The following ACMSD variants were observed in gnomAD, a reference collection of about 807,000 sequenced individuals.
The protein encoded by ACMSD is aminocarboxymuconate semialdehyde decarboxylase.
Under a neutral mutation model 45.9 loss-of-function variants are expected in ACMSD, and 37 were observed. That is an observed-to-expected ratio of 0.81 (90% CI 0.62 to 1.06). ACMSD has a LOEUF of 1.06. Among genes scored for constraint, ACMSD ranks in the 50% least tolerant of loss-of-function variants. The pLI, the probability that ACMSD is intolerant of heterozygous loss-of-function variation, is 0.00. For synonymous variants in ACMSD, 138 were observed against 148.8 expected (o/e 0.93, Z 0.53); for missense variants, 434 against 420.9 (o/e 1.03, Z -0.27).
chr2:134,848,932 A>G (rs1371673938), intron 2 of ACMSD, among the ~76,000 whole-genome samples: 3 of 152,158 alleles, frequency 2.0e-5, no homozygotes, highest in Admixed American at 1.3e-4. Context: ...TGTGTCCACT[A>G]AGTGCCAATT....
rs1559075851 is a variant in ACMSD, at chr2:134,901,899, T to G, written c.*39T>G. On this transcript the variant is annotated 3_prime_UTR_variant, in exon 10 of 10. Coordinates refer to ENST00000356140, the MANE Select transcript of ACMSD (RefSeq NM_138326.3). ...AAAGGCAAACTTTCAAAAGGATATC[T>G]CATTTTTGTTTCTAAATATGTATCA... 6.6e-7 allele frequency: 1 copy of G among 1,517,088 alleles called. No homozygotes were observed. Among genetic ancestry groups the G allele is most frequent in the Admixed American group, 1.8e-5 (1 of 55,210 alleles). The allele number at this position is 1,517,088 out of a possible 1,614,324, so 94.0% of individuals were successfully genotyped here.
chr2:134,877,065 G>A (rs140798301), intron 8 of ACMSD, among the ~76,000 whole-genome samples: 4 of 152,284 alleles, frequency 2.6e-5, no homozygotes, highest in African/African-American at 7.2e-5. Context: ...GAGCCACTGC[G>A]CCCAGTCTAT....
At chr2:134,859,411 C>A in intron 3 of ACMSD, 54 bp downstream of exon 3, 1 of 1,556,716 alleles carries the variant, frequency 6.4e-7, no homozygotes, top group South Asian at 1.1e-5. Flanking sequence ...CAATGTCTGC[C>A]CTTAAAGTTT....
At chr2:134,877,092 A>G (rs1688776980) in intron 8 of ACMSD, among the ~76,000 whole-genome samples, 1 of 152,208 alleles carries the variant, frequency 6.6e-6, no homozygotes, top group Non-Finnish European at 1.5e-5. Flanking sequence ...TGTACTTTTA[A>G]TAAGACTGGA....
intron 8 of ACMSD, among the ~76,000 whole-genome samples, chr2:134,888,664 A>C (rs1689597782): frequency 6.6e-6 from 1 of 152,216 alleles, no homozygotes; most frequent in Non-Finnish European, 1.5e-5. Context: ...AAAACAGAAA[A>C]GAAAAAAATA....
intron 1 of ACMSD, among the ~76,000 whole-genome samples, chr2:134,844,010 C>T (rs923797864): frequency 6.6e-6 from 1 of 152,242 alleles, no homozygotes; most frequent in African/African-American, 2.4e-5. Context: ...CTCTGCTCCA[C>T]ATGGGCTGGA....
intron 8 of ACMSD, among the ~76,000 whole-genome samples, chr2:134,897,389 T>G (rs1019370025): frequency 2.6e-5 from 4 of 152,166 alleles, no homozygotes; most frequent in African/African-American, 4.8e-5. Context: ...CACTGTAACT[T>G]GGAGATTATT....
At chr2:134,840,166 G>GAAAAAAAAAAAAAAA (rs1559034706) in intron 1 of ACMSD, among the ~76,000 whole-genome samples, 2 of 12,060 alleles carry the variant, frequency 1.7e-4, no homozygotes, top group African/African-American at 7.4e-4. Context: ...ACTATACCTA[G>GAAAAAAAAAAAAAAA]CAAAAAAAAA....
intron 8 of ACMSD, among the ~76,000 whole-genome samples, chr2:134,894,557 T>C (rs990157131): frequency 6.6e-6 from 1 of 152,030 alleles, no homozygotes; most frequent in African/African-American, 2.4e-5. Flanking sequence ...TAAAACAAAT[T>C]CTTCACCAAT....
At chr2:134,889,365 G>C (rs959662557) in intron 8 of ACMSD, among the ~76,000 whole-genome samples, 10 of 152,048 alleles carry the variant, frequency 6.6e-5, no homozygotes, top group African/African-American at 2.4e-4. Flanking sequence ...TTCCATCAAA[G>C]GAAGCTAGTC....
At chr2:134,901,009 G>A (rs1690468183) in intron 9 of ACMSD, among the ~76,000 whole-genome samples, 2 of 152,170 alleles carry the variant, frequency 1.3e-5, no homozygotes, top group Admixed American at 1.3e-4. Flanking sequence ...GATGGCCTAA[G>A]TATGTATTGG....
intron 1 of ACMSD, among the ~76,000 whole-genome samples, chr2:134,843,273 CTG>C (rs1573611598): frequency 1.3e-5 from 2 of 152,270 alleles, no homozygotes; most frequent in East Asian, 3.9e-4. Flanking sequence ...AGAGGAGAAA[CTG>C]AGCTCCCTTG....
intron 8 of ACMSD, among the ~76,000 whole-genome samples, chr2:134,890,949 T>A (rs557053238): frequency 1.3e-5 from 2 of 152,132 alleles, no homozygotes; most frequent in East Asian, 3.9e-4. Context: ...TAACTATTCA[T>A]GTTCTTTGCT....
chr2:134,873,450 T>C (rs929527157), intron 8 of ACMSD: 4 of 152,230 alleles, frequency 2.6e-5, no homozygotes, highest in Non-Finnish European at 5.9e-5. Flanking sequence ...CTATAGAAGA[T>C]TTCCACATTT....
rs2104982528 is a variant in ACMSD at position 134,901,767 on chromosome 2, A to G, written c.949-31A>G. 2.6e-6 allele frequency: 4 copies of G among 1,559,944 alleles called. No homozygotes were observed. The East Asian group carries it at 9.1e-5, about 35-fold the overall frequency. On this transcript the variant is annotated intron_variant, in intron 9 of 9. Transcript: ENST00000356140. ...TAAAAGTACTTAAAAAACAACCAATAATGCTTTAAAATATTTTCTTTTCTT... is the reference window on the plus strand; with the variant it reads ...TAAAAGTACTTAAAAAACAACCAATGATGCTTTAAAATATTTTCTTTTCTT...
chr2:134,881,746 C>T (rs774082924), intron 8 of ACMSD, among the ~76,000 whole-genome samples: 3 of 152,130 alleles, frequency 2.0e-5, no homozygotes, highest in Non-Finnish European at 4.4e-5. Flanking sequence ...CCAACACTTT[C>T]GGAGGCCGAG....
At chr2:134,863,984 T>A (rs944198714) in intron 5 of ACMSD, among the ~76,000 whole-genome samples, 2 of 151,844 alleles carry the variant, frequency 1.3e-5, no homozygotes, top group Admixed American at 1.3e-4. Context: ...ATATATATAT[T>A]TTGGCCAGGT....
intron 2 of ACMSD, among the ~76,000 whole-genome samples, chr2:134,850,800 T>A (rs1687303347): frequency 6.6e-6 from 1 of 152,194 alleles, no homozygotes; most frequent in Non-Finnish European, 1.5e-5. Flanking sequence ...TTTCAACTTT[T>A]ATTTTAAGCT....
chr2:134,899,796 T>C lies in ACMSD; in HGVS notation c.948+1357T>C, dbSNP rs551859713. Among the ~76,000 whole-genome samples the C allele has an allele frequency of 1.1e-4, 17 of 152,288 alleles. No homozygotes were observed. The East Asian group carries it at 1.7e-3, about 16-fold the overall frequency. ...TAATATATCCACACAATGGAAATTA[T>C]GCCACCATAAATAAATTAGAAATCA... On this transcript the variant is annotated intron_variant, in intron 9 of 9. Coordinates refer to ENST00000356140, the MANE Select transcript of ACMSD (RefSeq NM_138326.3).
Sources: allele counts gnomAD v4.1 joint callset (sites outside exome capture counted in the v4.1 genomes callset), GRCh38; gene constraint gnomAD v4.1.1; transcripts MANE v1.5; gene names NCBI Gene and HGNC (gene_info 2026-07-23, HGNC 2026-07-21).